RNF150: variants seen among roughly 807,000 people sequenced by gnomAD.
RNF150 encodes ring finger protein 150.
A neutral mutation model predicts 39.3 loss-of-function variants in RNF150; 24 were observed. The ratio of observed to expected loss-of-function variants is 0.61; its 90% CI spans 0.44 to 0.86. The LOEUF (loss-of-function observed/expected upper bound fraction) is 0.86, where lower values mean the gene tolerates loss of function less well. RNF150 is among the 40% of genes least tolerant of loss of function. RNF150 has a pLI of 0.00. For missense variants in RNF150, 502 were observed against 587.8 expected, an observed-to-expected ratio of 0.85 and a Z score of 1.51; for synonymous variants, 255 against 227.3, an observed-to-expected ratio of 1.12 and a Z score of -1.10.
intron 1 of RNF150, among the ~76,000 whole-genome samples, chr4:140,978,938 C>T (rs755916001): frequency 6.6e-6 from 1 of 152,046 alleles, no homozygotes; most frequent in Non-Finnish European, 1.5e-5. Context: ...AATAATAATG[C>T]TGAAATAACT....
chr4:140,870,638 G>A (rs1379097651), intron 6 of RNF150, among the ~76,000 whole-genome samples: 1 of 152,088 alleles, frequency 6.6e-6, no homozygotes, highest in East Asian at 1.9e-4. Context: ...CTGTTGTGCA[G>A]GGTGTGTACA....
Position 140,867,565 on chromosome 4 carries a change from A to G in RNF150, c.*696T>C, listed in dbSNP as rs1471989114. 2 of 152,226 alleles carry G rather than the reference A, an allele frequency of 1.3e-5. No individual in the cohort carries two copies. The highest frequency in any genetic ancestry group is 1.3e-4 in the Admixed American group (2 of 15,286). The allele number at this position is 152,226 out of a possible 1,614,324, so 9.4% of individuals were successfully genotyped here. A position where few individuals can be genotyped will look rare whatever the true frequency, so the allele number is the denominator to read the frequency against. ...GGAAGCAAGTGTGATGTGGCTTAAA[A>G]TAACCAGCAGTGGCCTCAGCAGATT... On this transcript the variant is annotated 3_prime_UTR_variant, in exon 7 of 7. Coordinates refer to ENST00000515673, the MANE Select transcript of RNF150 (RefSeq NM_020724.2).
intron 2 of RNF150, among the ~76,000 whole-genome samples, 160 bp downstream of exon 2, chr4:140,967,463 T>C (rs1194841066): frequency 6.6e-6 from 1 of 152,126 alleles, no homozygotes; most frequent in African/African-American, 2.4e-5. Context: ...AAAATAGATA[T>C]ATTTGGATAA....
chr4:141,086,877 A>G (rs1392546410), intron 1 of RNF150, among the ~76,000 whole-genome samples: 5 of 151,904 alleles, frequency 3.3e-5, no homozygotes, highest in African/African-American at 9.7e-5. Context: ...ACTTCAGGAA[A>G]CCTTTCCTTT....
chr4:141,151,862 T>C (rs1275422623), intron 1 of RNF150, among the ~76,000 whole-genome samples: 2 of 152,208 alleles, frequency 1.3e-5, no homozygotes. Flanking sequence ...AAAATTTCTT[T>C]AGTAAACCAG....
intron 4 of RNF150, among the ~76,000 whole-genome samples, chr4:140,928,578 G>A (rs1164846929): frequency 3.3e-5 from 5 of 152,090 alleles, no homozygotes; most frequent in Admixed American, 6.5e-5. Context: ...ACGGAGTCTC[G>A]CTCTGTCACC....
At position 140,867,322 on chromosome 4, in the gene RNF150, C is replaced by T. The variant is rs1318218831; in HGVS notation, c.*939G>A. The T allele has an allele frequency of 6.6e-6, 1 of 152,098 alleles. No homozygotes were observed. The highest frequency in any genetic ancestry group is 1.5e-5 in the Non-Finnish European group (1 of 68,024). 9.4% of individuals were successfully genotyped at this position (152,098 alleles called of 1,614,324 possible). A position where few individuals can be genotyped will look rare whatever the true frequency, so the allele number is the denominator to read the frequency against. On this transcript the variant is annotated 3_prime_UTR_variant, in exon 7 of 7. Coordinates refer to ENST00000515673, the MANE Select transcript of RNF150 (RefSeq NM_020724.2). Reference sequence around the variant, plus strand: ...GAGGTAAGAAAAAAACTGTTCTAGCCCAGGGGAAACCAATGCAACTGGCAT... The same window carrying T: ...GAGGTAAGAAAAAAACTGTTCTAGCTCAGGGGAAACCAATGCAACTGGCAT...
chr4:141,119,219 T>C lies in RNF150; in HGVS notation c.484+13106A>G, dbSNP rs147344607. On this transcript the variant is annotated intron_variant, in intron 1 of 6. Coordinates refer to ENST00000515673, the MANE Select transcript of RNF150 (RefSeq NM_020724.2). ...CAAAAGGTCACAACCTGACCTACTT[T>C]ACTGGTCATTTGCCGTTTGCTATTT... Among the ~76,000 whole-genome samples the C allele has an allele frequency of 8.5e-3, 1,289 of 152,382 alleles. 10 individuals are homozygous for C. The highest frequency in any genetic ancestry group is 0.013 in the South Asian group (61 of 4,832).
chr4:140,935,013 ATATATATTATATATTTAT>A (rs1731787773), intron 4 of RNF150, among the ~76,000 whole-genome samples: 1 of 68,586 alleles, frequency 1.5e-5, no homozygotes, highest in African/African-American at 6.4e-5. Flanking sequence ...ATATAAATAT[ATATATATTATATATTTAT>A]AATATATATA....
At chr4:140,932,192 C>T (rs1351385928) in intron 4 of RNF150, among the ~76,000 whole-genome samples, 1 of 152,188 alleles carries the variant, frequency 6.6e-6, no homozygotes, top group African/African-American at 2.4e-5. Flanking sequence ...AAAAAGATAC[C>T]TAGTACTTCT....
intron 1 of RNF150, among the ~76,000 whole-genome samples, chr4:141,112,549 T>C (rs1437883216): frequency 1.3e-5 from 2 of 152,190 alleles, no homozygotes; most frequent in Non-Finnish European, 2.9e-5. Context: ...TGTTGAATAT[T>C]GGCCCCCACT....
intron 1 of RNF150, among the ~76,000 whole-genome samples, chr4:141,008,256 A>G (rs1172365976): frequency 6.6e-6 from 1 of 152,132 alleles, no homozygotes; most frequent in Non-Finnish European, 1.5e-5. Context: ...ATAGGGCCTA[A>G]GTCATTTGTT....
intron 1 of RNF150, among the ~76,000 whole-genome samples, chr4:141,184,164 CAT>C (rs1727961734): frequency 6.6e-6 from 1 of 152,184 alleles, no homozygotes; most frequent in African/African-American, 2.4e-5. Flanking sequence ...TCCTCTCCAA[CAT>C]ATGTTGTTTC....
At chr4:141,096,190 CTTT>C (rs780868429) in intron 1 of RNF150, among the ~76,000 whole-genome samples, 11,898 of 67,574 alleles carry the variant, frequency 0.18, 670 homozygotes, top group Middle Eastern at 0.26. Flanking sequence ...TTTTAGCTTT[CTTT>C]TTTTTTTTTT....
intron 1 of RNF150, among the ~76,000 whole-genome samples, chr4:141,082,746 G>A (rs1738208141): frequency 6.6e-6 from 1 of 151,764 alleles, no homozygotes. Flanking sequence ...CCGCCACTAC[G>A]CCCGGCTAAT....
In RNF150 at chr4:140,862,229, G is replaced by A. The variant is rs1484526902; in HGVS notation, c.*6032C>T. On this transcript the variant is annotated 3_prime_UTR_variant, in exon 7 of 7. Coordinates refer to ENST00000515673, the MANE Select transcript of RNF150 (RefSeq NM_020724.2). ...TTCTCCCTCACTGTGTTCAGACATT[G>A]CAGACCTCTTAATAGACGTGTATAT... The A allele has an allele frequency of 6.6e-6, 1 of 152,154 alleles. No individual in the cohort carries two copies. The allele number at this position is 152,154 out of a possible 1,614,324, so 9.4% of individuals were successfully genotyped here. A position where few individuals can be genotyped will look rare whatever the true frequency, so the allele number is the denominator to read the frequency against.
chr4:140,957,311 C>T (rs1732801111), intron 2 of RNF150, among the ~76,000 whole-genome samples: 1 of 152,048 alleles, frequency 6.6e-6, no homozygotes, highest in Non-Finnish European at 1.5e-5. Context: ...TGCTCACCAT[C>T]ACTGGCCATC....
At chr4:140,937,679 TTA>T (rs922770005) in intron 4 of RNF150, among the ~76,000 whole-genome samples, 1 of 151,532 alleles carries the variant, frequency 6.6e-6, no homozygotes. Flanking sequence ...ATACAAATAT[TTA>T]TATATATATT....
intron 1 of RNF150, among the ~76,000 whole-genome samples, chr4:141,019,776 G>C (rs1735419285): frequency 6.6e-6 from 1 of 152,102 alleles, no homozygotes; most frequent in South Asian, 2.1e-4. Flanking sequence ...GATGTTTCCG[G>C]CAGCAAGGTT....
Sources: gnomAD v4.1 joint callset for allele counts (sites outside exome capture counted in the v4.1 genomes callset) on GRCh38, gnomAD v4.1.1 for gene constraint, MANE v1.5 for transcripts, NCBI Gene and HGNC (gene_info 2026-07-23, HGNC 2026-07-21) for gene names.